KDM4B: variants seen among roughly 807,000 people sequenced by gnomAD.
KDM4B encodes the protein lysine-specific demethylase 4B.
A neutral mutation model predicts 125.2 loss-of-function variants in KDM4B; 32 were observed. The observed-to-expected ratio is 0.26, with a 90% CI of 0.19 to 0.34. KDM4B has a LOEUF of 0.34. Among genes scored for constraint, KDM4B ranks in the 10% least tolerant of loss-of-function variants. The pLI is 1.00. For synonymous variants in KDM4B, 721 were observed against 677.9 expected, an observed-to-expected ratio of 1.06 and a Z score of -0.99; for missense variants, 1,190 against 1,577.7, an observed-to-expected ratio of 0.75 and a Z score of 4.16.
rs1203452697 is a variant in KDM4B, at chr19:5,035,166, A to T, written c.141+2135A>T. Among the ~76,000 whole-genome samples the T allele has an allele frequency of 2.0e-5, 3 of 152,074 alleles. No homozygotes were observed. The highest frequency in any genetic ancestry group is 2.0e-4 in the Admixed American group (3 of 15,274). On this transcript the variant is annotated intron_variant, in intron 3 of 22. Transcript: ENST00000159111. This position sits in a 1 kb window ranked among gnomAD's most constrained non-coding sequence, Gnocchi z 5.3. Reference sequence around the variant, plus strand: ...CTAGGCCACAGGCTGCTATCCCAGGAAAGGCCCAGGTCCTCCTCTTCCTCC... The same window carrying T: ...CTAGGCCACAGGCTGCTATCCCAGGTAAGGCCCAGGTCCTCCTCTTCCTCC...
At position 5,090,433 on chromosome 19, in the gene KDM4B, TC is replaced by T. The variant is rs553139646; in HGVS notation, c.918+7934del. Among the ~76,000 whole-genome samples the T allele has an allele frequency of 4.5e-3, 250 of 55,956 alleles. 5 individuals are homozygous for T. The highest frequency in any genetic ancestry group is 0.019 in the African/African-American group (231 of 12,308). The allele number at this position is 55,956 out of a possible 152,430, so 36.7% of individuals were successfully genotyped here. ...CCCCCTCTCCCCCTCTGTCTCTCTC[TC>T]CCCCATCTCTCTTCCCCCTCTCTCT... On this transcript the variant is annotated intron_variant, in intron 9 of 22. Transcript: ENST00000159111.
chr19:5,145,386 G>C (rs1275578887), intron 21 of KDM4B, among the ~76,000 whole-genome samples: 2 of 152,064 alleles, frequency 1.3e-5, no homozygotes, highest in African/African-American at 4.8e-5. Flanking sequence ...TTCAAGACCA[G>C]CCTGGCCAAC....
intron 2 of KDM4B, among the ~76,000 whole-genome samples, chr19:5,021,889 C>T (rs1313716771): frequency 6.6e-6 from 1 of 152,196 alleles, no homozygotes; most frequent in African/African-American, 2.4e-5. Context: ...CTGCCTCGTC[C>T]TCCCAAAGTG....
intron 1 of KDM4B, among the ~76,000 whole-genome samples, chr19:4,998,917 T>C (rs914648911): frequency 2.0e-5 from 3 of 152,332 alleles, no homozygotes; most frequent in South Asian, 2.1e-4. Flanking sequence ...GTGCGCCCTA[T>C]CAGGAGGCCC....
At chr19:5,091,350 C>T (rs2038699506) in intron 9 of KDM4B, among the ~76,000 whole-genome samples, 1 of 152,242 alleles carries the variant, frequency 6.6e-6, no homozygotes, top group South Asian at 2.1e-4. Context: ...TCCCTGCCAG[C>T]TGTCTGTGGG....
chr19:5,077,025 C>A (rs959007441), intron 7 of KDM4B: 3 of 308,578 alleles, frequency 9.7e-6, no homozygotes, highest in Middle Eastern at 9.8e-4. Flanking sequence ...AACCCTGGTC[C>A]TTCCCCTGGT....
intron 2 of KDM4B, among the ~76,000 whole-genome samples, chr19:5,028,077 A>G (rs964490445): frequency 6.6e-6 from 1 of 152,162 alleles, no homozygotes; most frequent in Non-Finnish European, 1.5e-5. Flanking sequence ...CCTGGCCTCA[A>G]GTGATACTCC....
intron 21 of KDM4B, 26 bp from the exon 22 acceptor site, chr19:5,150,332 C>T (rs574972749): frequency 1.3e-6 from 2 of 1,540,388 alleles, no homozygotes; most frequent in East Asian, 4.9e-5. Context: ...CAGTGCCAGG[C>T]CCCTGAGAGC....
chr19:5,101,241 AT>A (rs1218801637), intron 9 of KDM4B, among the ~76,000 whole-genome samples: 4 of 150,474 alleles, frequency 2.7e-5, no homozygotes, highest in East Asian at 3.9e-4. Flanking sequence ...AAAAAAAAAA[AT>A]CTTCTCTGTC....
intron 21 of KDM4B, among the ~76,000 whole-genome samples, chr19:5,147,717 CG>C (rs1289126170): frequency 1.2e-3 from 161 of 137,710 alleles, no homozygotes; most frequent in African/African-American, 4.3e-3. Flanking sequence ...CACTCCAACC[CG>C]GGTGATGAAA....
At chr19:5,131,011 GGGAGC>G (rs2146054030) in intron 11 of KDM4B, 60 bp from the exon 12 acceptor site, 1 of 1,217,084 alleles carries the variant, frequency 8.2e-7, no homozygotes, top group African/African-American at 1.5e-5. Flanking sequence ...GGGATTTCTG[GGGAGC>G]GTGGGACCAG....
chr19:5,085,329 G>A (rs921041926), intron 9 of KDM4B, among the ~76,000 whole-genome samples: 1 of 152,190 alleles, frequency 6.6e-6, no homozygotes, highest in South Asian at 2.1e-4. Context: ...GGCTGTTGCT[G>A]TGTTGAAAGG....
rs927010975 is a variant in KDM4B at position 5,142,845 on chromosome 19, C to T, written c.2551-1122C>T. Reference sequence around the variant, plus strand: ...GCCCTTGGCTTATCTGGCTTTTGAACGTGGTTTATAGAGTGGTGACGGTGC... The same window carrying T: ...GCCCTTGGCTTATCTGGCTTTTGAATGTGGTTTATAGAGTGGTGACGGTGC... On this transcript the variant is annotated intron_variant, in intron 18 of 22. Transcript: ENST00000159111. This position sits in a 1 kb window ranked among gnomAD's most constrained non-coding sequence, Gnocchi z 5.4. Among the ~76,000 whole-genome samples, 1 of 151,924 alleles carries T rather than the reference C, an allele frequency of 6.6e-6. No individual in the cohort carries two copies. Among genetic ancestry groups the T allele is most frequent in the Non-Finnish European group, 1.5e-5 (1 of 67,976 alleles).
In KDM4B at chr19:5,022,478, G is replaced by A. The variant is rs2036154370; in HGVS notation, c.-26+6139G>A. On this transcript the variant is annotated intron_variant, in intron 2 of 22. Coordinates refer to ENST00000159111, the MANE Select transcript of KDM4B (RefSeq NM_015015.3). Reference sequence around the variant, plus strand: ...AGGCCTGAGTGTCTGAAGAAGTAATGAGCTGCAAACCTCATGACCTGGAAA... The same window carrying A: ...AGGCCTGAGTGTCTGAAGAAGTAATAAGCTGCAAACCTCATGACCTGGAAA... 4.6e-5 allele frequency among the ~76,000 whole-genome samples: 7 copies of A among 152,230 alleles called. No homozygotes were observed. The South Asian group carries it at 1.5e-3, about 32-fold the overall frequency.
At chr19:5,011,405 T>C (rs903008284) in intron 1 of KDM4B, among the ~76,000 whole-genome samples, 5 of 152,206 alleles carry the variant, frequency 3.3e-5, no homozygotes, top group Admixed American at 6.5e-5. Context: ...TTCATACTCA[T>C]AGGGTGCCAG....
intron 9 of KDM4B, among the ~76,000 whole-genome samples, chr19:5,101,220 C>T (rs1374324820): frequency 1.7e-5 from 2 of 115,354 alleles, no homozygotes; most frequent in African/African-American, 7.0e-5. Context: ...AAGACTCCGT[C>T]TCAAAAAAAA....
At chr19:5,099,109 C>T (rs1189510632) in intron 9 of KDM4B, among the ~76,000 whole-genome samples, 2 of 152,338 alleles carry the variant, frequency 1.3e-5, no homozygotes, top group East Asian at 3.9e-4. Context: ...GTGCTGGGCA[C>T]ACACTGGGTA....
chr19:5,051,909 CT>C (rs1568260053), intron 6 of KDM4B, among the ~76,000 whole-genome samples: 1 of 152,226 alleles, frequency 6.6e-6, no homozygotes, highest in African/African-American at 2.4e-5. Context: ...TCTCCTGCCT[CT>C]GTTTACCTTG....
At chr19:5,132,076 G>T in intron 13 of KDM4B, 69 bp downstream of exon 13, 1 of 1,477,532 alleles carries the variant, frequency 6.8e-7, no homozygotes, top group Non-Finnish European at 9.0e-7. Context: ...TGGAGGGGGG[G>T]CCTGGCTCCC....
Sources: allele counts gnomAD v4.1 joint callset (sites outside exome capture counted in the v4.1 genomes callset), GRCh38; gene constraint gnomAD v4.1.1; non-coding constraint Gnocchi (gnomAD v3.1); transcripts MANE v1.5; gene names NCBI Gene and HGNC (gene_info 2026-07-23, HGNC 2026-07-21).